Variants in INSM2 observed in about 807,000 individuals in gnomAD.
The protein encoded by INSM2 is insulinoma-associated protein 2.
INSM2 carries 12 observed loss-of-function variants against 30.5 expected under a neutral mutation model. That is an observed-to-expected ratio of 0.39 (90% CI 0.25 to 0.64). INSM2 has a LOEUF of 0.64. INSM2 is among the 30% of genes least tolerant of loss of function. The pLI is 0.47. For missense variants in INSM2, 773 were observed against 819.2 expected (o/e 0.94, Z 0.69); for synonymous variants, 418 against 383.7 (o/e 1.09, Z -1.05).
chr14:35,535,060 G>A lies in INSM2; in HGVS notation c.808G>A (p.Glu270Lys). 3 of 1,596,686 alleles carry A rather than the reference G, an allele frequency of 1.9e-6. No individual in the cohort carries two copies. The highest frequency in any genetic ancestry group is 1.1e-5 in the South Asian group (1 of 88,540). ...GGAGTTCATCTGCCAGCTGTGCAAG[G>A]AGCAGTACGCAGACCCCTTCGCGCT... ...LGEFICQLCK[E>K]QYADPFALAQ... Residue 270 changes from glutamate to lysine, a missense_variant, in exon 1 of 1, where the codon GAG becomes AAG. Glu to Lys is a moderately conservative substitution (Grantham distance 56). Transcript: ENST00000307169.
chr14:35,535,712 A>G lies in INSM2; in HGVS notation c.1460A>G (p.Lys487Arg). 6.2e-7 allele frequency: 1 copy of G among 1,613,344 alleles called. No individual in the cohort carries two copies. The highest frequency in any genetic ancestry group is 1.3e-5 in the African/African-American group (1 of 75,074). ...AHFPTADIRE[K>R]HRLWHAVREE... ...TTCCCTACAGCAGATATCAGGGAGAAGCACCGGCTGTGGCATGCTGTCCGC... is the reference window on the plus strand; with the variant it reads ...TTCCCTACAGCAGATATCAGGGAGAGGCACCGGCTGTGGCATGCTGTCCGC... Residue 487 changes from lysine (K) to arginine (R), a missense_variant, in exon 1 of 1, where the codon AAG becomes AGG. By Grantham distance (26) the Lys-to-Arg change is conservative. Coordinates refer to ENST00000307169, the MANE Select transcript of INSM2 (RefSeq NM_032594.4).
Position 35,534,732 on chromosome 14 carries a change from G to T in INSM2, c.480G>T (p.Pro160=), listed in dbSNP as rs1270937218. 14 of 1,395,098 alleles carry T rather than the reference G, an allele frequency of 1.0e-5. No homozygotes were observed. The highest frequency in any genetic ancestry group is 1.1e-5 in the Non-Finnish European group (12 of 1,081,806). The allele number at this position is 1,395,098 out of a possible 1,614,324, so 86.4% of individuals were successfully genotyped here. Residue 160 remains proline, a synonymous_variant, in exon 1 of 1, where the codon CCG becomes CCT. Transcript: ENST00000307169. ...CSVAPAAAPT[P]GEQFLLPLRA... is the part of the protein sequence containing the mutation. ...TGGCGCCAGCAGCCGCACCGACCCC[G>T]GGGGAGCAGTTTCTGCTGCCGCTTC...
chr14:35,536,220 A>AT lies in INSM2; in HGVS notation c.*272dup, dbSNP rs1301378379. 2 of 407,984 alleles carry AT rather than the reference A, an allele frequency of 4.9e-6. No homozygotes were observed. The highest frequency in any genetic ancestry group is 8.4e-5 in the Admixed American group (2 of 23,884). 25.3% of individuals were successfully genotyped at this position (407,984 alleles called of 1,614,324 possible). A position where few individuals can be genotyped will look rare whatever the true frequency, so the allele number is the denominator to read the frequency against. On this transcript the variant is annotated 3_prime_UTR_variant, in exon 1 of 1. Coordinates refer to ENST00000307169, the MANE Select transcript of INSM2 (RefSeq NM_032594.4). The stretch of plus-strand genomic sequence containing the variant: ...TTCTCACTTTCCCCACTAAAATAGG[A>AT]TTTTTCCCCTTAAAACTCTGGAGAC...
Position 35,534,408 on chromosome 14 carries a change from G to C in INSM2, c.156G>C (p.Ala52=). Residue 52 remains alanine (A), a synonymous_variant, in exon 1 of 1, where the codon GCG becomes GCC. Transcript: ENST00000307169. ...CCTCCTTGCCCGGCGCGGAGCGGGC[G>C]ACACCCCCCACCCGAGAGGAACCAG... The part of the protein sequence containing the change: ...PSASLPGAER[A]TPPTREEPGK... 1 of 1,519,138 alleles carries C rather than the reference G, an allele frequency of 6.6e-7. No homozygotes were observed. 94.1% of individuals were successfully genotyped at this position (1,519,138 alleles called of 1,614,324 possible). A position where few individuals can be genotyped will look rare whatever the true frequency, so the allele number is the denominator to read the frequency against.
At position 35,535,036 on chromosome 14, in the gene INSM2, G is replaced by T; in HGVS notation, c.784G>T (p.Glu262Ter). The T allele has an allele frequency of 6.3e-7, 1 of 1,587,162 alleles. No homozygotes were observed. Among genetic ancestry groups the T allele is most frequent in the Non-Finnish European group, 8.6e-7 (1 of 1,166,556 alleles). ...GGGGGGCAGCCGCACGCCACTGGGG[G>T]AGTTCATCTGCCAGCTGTGCAAGGA... ...GLGGSRTPLG[E>*]FICQLCKEQY... is the part of the protein sequence containing the mutation. Residue 262 changes from glutamate to a stop codon, truncating the protein, a stop_gained, in exon 1 of 1, where the codon GAG (glutamate) becomes TAG (stop). Transcript: ENST00000307169. LOFTEE classifies it high-confidence loss of function.
Position 35,536,119 on chromosome 14 carries a change from A to C in INSM2, c.*166A>C. 1 of 764,048 alleles carries C rather than the reference A, an allele frequency of 1.3e-6. No individual in the cohort carries two copies. The highest frequency in any genetic ancestry group is 2.9e-5 in the Admixed American group (1 of 34,290). 47.3% of individuals were successfully genotyped at this position (764,048 alleles called of 1,614,324 possible). On this transcript the variant is annotated 3_prime_UTR_variant, in exon 1 of 1. Transcript: ENST00000307169. ...TGTTCCACCAGAGGAGCGGACAGTG[A>C]AATGTAATATCCCTCTCTAGAGCAG...
Position 35,535,059 on chromosome 14 carries a change from G to A in INSM2, c.807G>A (p.Lys269=). ...GGGAGTTCATCTGCCAGCTGTGCAA[G>A]GAGCAGTACGCAGACCCCTTCGCGC... ...PLGEFICQLC[K]EQYADPFALA... Residue 269 remains lysine, a synonymous_variant, in exon 1 of 1, where the codon AAG becomes AAA. Transcript: ENST00000307169. The A allele has an allele frequency of 6.3e-7, 1 of 1,594,548 alleles. No individual in the cohort carries two copies.
rs760510680 is a variant in INSM2, at chr14:35,535,293, A to G, written c.1041A>G (p.Ala347=). The G allele has an allele frequency of 3.1e-6, 5 of 1,612,866 alleles. No individual in the cohort carries two copies. The highest frequency in any genetic ancestry group is 4.2e-6 in the Non-Finnish European group (5 of 1,179,696). ...SSSSRDSGAI[A]SFLAEGKENS... is the part of the protein sequence containing the mutation. The stretch of plus-strand genomic sequence containing the variant: ...CCTCCCGGGACTCCGGGGCCATTGC[A>G]TCTTTTCTGGCGGAGGGAAAGGAGA... Residue 347 remains alanine, a synonymous_variant, in exon 1 of 1, where the codon GCA becomes GCG. Coordinates refer to ENST00000307169, the MANE Select transcript of INSM2 (RefSeq NM_032594.4).
Position 35,535,876 on chromosome 14 carries a change from C to G in INSM2, c.1624C>G (p.Arg542Gly). Reference sequence around the variant, plus strand: ...TTTTTTTAGCTCTCCAGGGCTGACCCGGCACATCAATAAGTGCCACCCCTC... The same window carrying G: ...TTTTTTTAGCTCTCCAGGGCTGACCGGGCACATCAATAAGTGCCACCCCTC... Reference protein sequence around the residue: ...STFFSSPGLTRHINKCHPSES... With the variant: ...STFFSSPGLTGHINKCHPSES... The change falls in exon 1 of 1, where the codon CGG becomes GGG. Residue 542 changes from arginine (R) to glycine (G), a missense_variant. Arg to Gly is a moderately radical substitution (Grantham distance 125). Transcript: ENST00000307169. 1 of 1,613,984 alleles carries G rather than the reference C, an allele frequency of 6.2e-7. No individual in the cohort carries two copies.
In INSM2 at chr14:35,534,813, C is replaced by A; in HGVS notation, c.561C>A (p.Ala187=). 2 of 1,487,824 alleles carry A rather than the reference C, an allele frequency of 1.3e-6. No homozygotes were observed. Among genetic ancestry groups the A allele is most frequent in the South Asian group, 1.3e-5 (1 of 74,884 alleles). 92.2% of individuals were successfully genotyped at this position (1,487,824 alleles called of 1,614,324 possible). A position where few individuals can be genotyped will look rare whatever the true frequency, so the allele number is the denominator to read the frequency against. ...CGGACCCTGCGCCCCTCTCGGCCGC[C>A]CTTCAGAGTCTGAAGCGGGCGGCCG... The part of the protein sequence containing the change: ...LQPDPAPLSA[A]LQSLKRAAGG... The change falls in exon 1 of 1, where the codon GCC becomes GCA. Residue 187 remains alanine (A), a synonymous_variant. Transcript: ENST00000307169.
chr14:35,535,098 C>G lies in INSM2; in HGVS notation c.846C>G (p.Arg282=). ...YADPFALAQH[R]CSRIVRVEYR... ...ACCCCTTCGCGCTGGCCCAGCACCG[C>G]TGCTCCCGCATCGTGCGCGTAGAGT... The change falls in exon 1 of 1, where the codon CGC becomes CGG. Residue 282 remains arginine, a synonymous_variant. Coordinates refer to ENST00000307169, the MANE Select transcript of INSM2 (RefSeq NM_032594.4). 6.2e-7 allele frequency: 1 copy of G among 1,603,854 alleles called. No homozygotes were observed. Among genetic ancestry groups the G allele is most frequent in the South Asian group, 1.1e-5 (1 of 89,646 alleles).
In INSM2 at chr14:35,535,981, G is replaced by A; in HGVS notation, c.*28G>A. On this transcript the variant is annotated 3_prime_UTR_variant, in exon 1 of 1. Transcript: ENST00000307169. The stretch of plus-strand genomic sequence containing the variant: ...GACGAGAGACCAGGATGATTTCGAG[G>A]TTGGCCTTAGAGGAAACAGATCATG... The A allele has an allele frequency of 1.3e-6, 2 of 1,562,258 alleles. No individual in the cohort carries two copies.
chr14:35,534,176 C>A lies in INSM2; in HGVS notation c.-77C>A, dbSNP rs1404826374. The A allele has an allele frequency of 1.3e-6, 2 of 1,518,360 alleles. No individual in the cohort carries two copies. The highest frequency in any genetic ancestry group is 1.8e-6 in the Non-Finnish European group (2 of 1,140,784). 94.1% of individuals were successfully genotyped at this position (1,518,360 alleles called of 1,614,324 possible). A position where few individuals can be genotyped will look rare whatever the true frequency, so the allele number is the denominator to read the frequency against. ...GCATGACAGCCGCGGCGAAGCTCTTCTAGTTCATCTGCTGGCCGGCTCTCA... is the reference window on the plus strand; with the variant it reads ...GCATGACAGCCGCGGCGAAGCTCTTATAGTTCATCTGCTGGCCGGCTCTCA... On this transcript the variant is annotated 5_prime_UTR_variant, in exon 1 of 1. Transcript: ENST00000307169.
chr14:35,534,193 C>A lies in INSM2; in HGVS notation c.-60C>A, dbSNP rs116548851. On this transcript the variant is annotated 5_prime_UTR_variant, in exon 1 of 1. Transcript: ENST00000307169. ...AAGCTCTTCTAGTTCATCTGCTGGC[C>A]GGCTCTCAGTCCCCGTGGCGCCCCC... The A allele has an allele frequency of 1.3e-3, 2,019 of 1,537,002 alleles. 26 individuals carry two copies. In the African/African-American group the frequency reaches 0.026, roughly 19 times the overall value.
In INSM2 at chr14:35,535,583, A is replaced by T; in HGVS notation, c.1331A>T (p.His444Leu). Residue 444 changes from histidine (H) to leucine (L), a missense_variant, in exon 1 of 1, where the codon CAC becomes CTC. Coordinates refer to ENST00000307169, the MANE Select transcript of INSM2 (RefSeq NM_032594.4). The stretch of plus-strand genomic sequence containing the variant: ...CGTCGCCAAGCCTATCTGCGCAAGC[A>T]CCTGAGCACTCACGAGGCGGGCTCG... ...KFRRQAYLRKHLSTHEAGSAR... is the reference protein window; with the variant it reads ...KFRRQAYLRKLLSTHEAGSAR... 6.2e-7 allele frequency: 1 copy of T among 1,613,260 alleles called. No individual in the cohort carries two copies. Among genetic ancestry groups the T allele is most frequent in the South Asian group, 1.1e-5 (1 of 91,090 alleles).
rs1446592397 is a variant in INSM2 at position 35,536,215 on chromosome 14, A to G, written c.*262A>G. ...AATCCTTCTCACTTTCCCCACTAAA[A>G]TAGGATTTTTCCCCTTAAAACTCTG... On this transcript the variant is annotated 3_prime_UTR_variant, in exon 1 of 1. Coordinates refer to ENST00000307169, the MANE Select transcript of INSM2 (RefSeq NM_032594.4). 2.4e-6 allele frequency: 1 copy of G among 411,638 alleles called. No individual in the cohort carries two copies. Among genetic ancestry groups the G allele is most frequent in the African/African-American group, 2.1e-5 (1 of 47,972 alleles). The allele number at this position is 411,638 out of a possible 1,614,324, so 25.5% of individuals were successfully genotyped here. A position where few individuals can be genotyped will look rare whatever the true frequency, so the allele number is the denominator to read the frequency against.
chr14:35,535,845 G>A lies in INSM2; in HGVS notation c.1593G>A (p.Pro531=), dbSNP rs764284780. The A allele has an allele frequency of 6.2e-7, 1 of 1,614,098 alleles. No homozygotes were observed. Among genetic ancestry groups the A allele is most frequent in the Non-Finnish European group, 8.5e-7 (1 of 1,180,042 alleles). The change falls in exon 1 of 1, where the codon CCG becomes CCA. Residue 531 remains proline, a synonymous_variant. Transcript: ENST00000307169. ...AAATTTTCTCGTGCAAGCACTGCCC[G>A]TCCACTTTTTTTAGCTCTCCAGGGC... ...AQQIFSCKHC[P]STFFSSPGLT...
In INSM2 at chr14:35,534,861, A is replaced by G. The variant is rs2053584023; in HGVS notation, c.609A>G (p.Ala203=). 3 of 1,561,446 alleles carry G rather than the reference A, an allele frequency of 1.9e-6. No individual in the cohort carries two copies. The highest frequency in any genetic ancestry group is 4.0e-5 in the Admixed American group (2 of 49,888). ...RAAGGERRGK[A]PTDCASGPAA... Reference sequence around the variant, plus strand: ...CCGGCGGCGAGCGCCGCGGCAAGGCACCCACGGACTGCGCGTCTGGACCCG... The same window carrying G: ...CCGGCGGCGAGCGCCGCGGCAAGGCGCCCACGGACTGCGCGTCTGGACCCG... The change falls in exon 1 of 1, where the codon GCA becomes GCG. Residue 203 remains alanine, a synonymous_variant. Transcript: ENST00000307169.
rs765642114 is a variant in INSM2 at position 35,535,789 on chromosome 14, C to G, written c.1537C>G (p.Pro513Ala). 2 of 1,613,440 alleles carry G rather than the reference C, an allele frequency of 1.2e-6. No individual in the cohort carries two copies. Among genetic ancestry groups the G allele is most frequent in the Non-Finnish European group, 1.7e-6 (2 of 1,179,912 alleles). Residue 513 changes from proline (P) to alanine (A), a missense_variant, in exon 1 of 1, where the codon CCT becomes GCT. Coordinates refer to ENST00000307169, the MANE Select transcript of INSM2 (RefSeq NM_032594.4). ...GGGGGCTCCTCCCGAAACGTCGGGCCCTAGCGGGCCATCTGACGGGAGTGC... is the reference window on the plus strand; with the variant it reads ...GGGGGCTCCTCCCGAAACGTCGGGCGCTAGCGGGCCATCTGACGGGAGTGC... ...LAGAPPETSG[P>A]SGPSDGSAQQ...
Sources: gnomAD v4.1 joint callset for allele counts on GRCh38, gnomAD v4.1.1 for gene constraint, MANE v1.5 for transcripts, NCBI Gene and HGNC (gene_info 2026-07-23, HGNC 2026-07-21) for gene names.